Variants in PKHD1L1 observed in about 807,000 individuals in gnomAD.
The protein encoded by PKHD1L1 is PKHD1 like 1.
PKHD1L1 carries 434 observed loss-of-function variants against 462.9 expected under a neutral mutation model. The ratio of observed to expected loss-of-function variants is 0.94; its 90% confidence interval spans 0.87 to 1.02. PKHD1L1 has a LOEUF of 1.02. PKHD1L1 is among the 50% of genes least tolerant of loss of function. The pLI is 0.00. For synonymous variants in PKHD1L1, 1,781 were observed against 1,750.0 expected, an observed-to-expected ratio of 1.02 and a Z score of -0.44; for missense variants, 5,202 against 5,096.1, an observed-to-expected ratio of 1.02 and a Z score of -0.63.
rs1811026990 is a variant in PKHD1L1 at position 109,362,472 on chromosome 8, C to T, written c.-109C>T. On this transcript the variant is annotated 5_prime_UTR_variant, in exon 1 of 78. Coordinates refer to ENST00000378402, the MANE Select transcript of PKHD1L1 (RefSeq NM_177531.6). The stretch of plus-strand genomic sequence containing the variant: ...GGGAGGGCGGCCCAGTTCCCCAGCT[C>T]TCCCGGGACGAAGCGGGCCCGCCAG... 19 of 1,134,762 alleles carry T rather than the reference C, an allele frequency of 1.7e-5. 1 individual carries two copies. In the South Asian group the frequency reaches 2.1e-4, roughly 12 times the overall value. 70.3% of individuals were successfully genotyped at this position (1,134,762 alleles called of 1,614,324 possible).
intron 10 of PKHD1L1, among the ~76,000 whole-genome samples, chr8:109,395,771 A>G (rs1193179640): frequency 6.6e-6 from 1 of 152,128 alleles, no homozygotes; most frequent in Non-Finnish European, 1.5e-5. Flanking sequence ...TAATGCTCGC[A>G]TTACCAATGT....
chr8:109,489,522 A>G (rs912747587), intron 59 of PKHD1L1, among the ~76,000 whole-genome samples: 1 of 152,028 alleles, frequency 6.6e-6, no homozygotes, highest in Admixed American at 6.6e-5. Flanking sequence ...TAATGCCCTT[A>G]AAAGCTCTTT....
rs550122713 is a variant in PKHD1L1 at position 109,392,701 on chromosome 8, AT to A, written c.741-1713del. On this transcript the variant is annotated intron_variant, in intron 9 of 77. Transcript: ENST00000378402. ...AAAGATAAAAAATCTTACATTTTGA[AT>A]CTTACATTCAAAAAATACATTATTT... Among the ~76,000 whole-genome samples the A allele has an allele frequency of 4.6e-5, 7 of 152,302 alleles. No homozygotes were observed. In the East Asian group the frequency reaches 1.3e-3, roughly 29 times the overall value.
Position 109,449,399 on chromosome 8 carries a change from A to T in PKHD1L1, c.6087A>T (p.Ser2029=). 2 of 1,590,206 alleles carry T rather than the reference A, an allele frequency of 1.3e-6. No homozygotes were observed. The highest frequency in any genetic ancestry group is 1.7e-6 in the Non-Finnish European group (2 of 1,166,894). ...GCACCGGATTTAATCCACAAAATTC[A>T]ATTATATTAGTTTGTGGCTCAGAAT... ...VTGTGFNPQN[S]IILVCGSECA... is the part of the protein sequence containing the mutation. The change falls in exon 40 of 78, where the codon TCA becomes TCT. Residue 2029 remains serine, a synonymous_variant. Coordinates refer to ENST00000378402, the MANE Select transcript of PKHD1L1 (RefSeq NM_177531.6).
intron 6 of PKHD1L1, among the ~76,000 whole-genome samples, chr8:109,388,155 T>C (rs765129250): frequency 2.6e-5 from 4 of 152,194 alleles, no homozygotes; most frequent in Non-Finnish European, 4.4e-5. Flanking sequence ...ATGACTTTAT[T>C]ATCTGTTTCT....
At chr8:109,426,231 ACATT>A (rs67002388) in intron 24 of PKHD1L1, among the ~76,000 whole-genome samples, 44,952 of 132,974 alleles carry the variant, frequency 0.34, 7,209 homozygotes, top group Admixed American at 0.45. Context: ...TTACAAATTA[ACATT>A]GTTATTAATT....
intron 19 of PKHD1L1, among the ~76,000 whole-genome samples, chr8:109,411,006 C>T (rs1421423203): frequency 6.6e-6 from 1 of 151,880 alleles, no homozygotes; most frequent in East Asian, 1.9e-4. Flanking sequence ...GGATTACAGA[C>T]TTGAGCCACC....
At chr8:109,411,129 T>C (rs772112770) in intron 19 of PKHD1L1, among the ~76,000 whole-genome samples, 7 of 152,176 alleles carry the variant, frequency 4.6e-5, no homozygotes, top group Non-Finnish European at 7.4e-5. Context: ...TTATGTATTA[T>C]GTAGTTTTAT....
chr8:109,368,925 A>T (rs1385808889), intron 2 of PKHD1L1, among the ~76,000 whole-genome samples: 1 of 152,048 alleles, frequency 6.6e-6, no homozygotes, highest in South Asian at 2.1e-4. Flanking sequence ...AATCTTTGTG[A>T]CTTGGAGTAC....
intron 71 of PKHD1L1, among the ~76,000 whole-genome samples, chr8:109,511,611 T>A (rs1209626958): frequency 6.6e-6 from 1 of 152,050 alleles, no homozygotes; most frequent in Non-Finnish European, 1.5e-5. Context: ...ACATTTGGGT[T>A]GGTTCCAAGT....
rs756483047 is a variant in PKHD1L1 at position 109,385,521 on chromosome 8, T to C, written c.476-16T>C. 1 of 1,525,758 alleles carries C rather than the reference T, an allele frequency of 6.6e-7. No individual in the cohort carries two copies. The highest frequency in any genetic ancestry group is 1.2e-5 in the South Asian group (1 of 84,306). The allele number at this position is 1,525,758 out of a possible 1,614,324, so 94.5% of individuals were successfully genotyped here. A position where few individuals can be genotyped will look rare whatever the true frequency, so the allele number is the denominator to read the frequency against. On this transcript the variant is annotated splice_polypyrimidine_tract_variant and intron_variant, in intron 5 of 77. Transcript: ENST00000378402. ...TTCTTACACAGAATCTTTTTGGGGT[T>C]TTTGTTTGTTTTCAGGTACACTAAT...
At chr8:109,523,434 C>T in intron 76 of PKHD1L1, 48 bp downstream of exon 76, 1 of 1,485,092 alleles carries the variant, frequency 6.7e-7, no homozygotes, top group Non-Finnish European at 9.2e-7. Context: ...TAAATAGAGA[C>T]AATTATAATG....
intron 12 of PKHD1L1, 29 bp downstream of exon 12, chr8:109,398,577 T>C (rs1285263120): frequency 1.8e-6 from 2 of 1,081,522 alleles, no homozygotes; most frequent in Admixed American, 5.1e-5. Context: ...CAATGGCCAT[T>C]TCTATATTCA....
intron 2 of PKHD1L1, among the ~76,000 whole-genome samples, chr8:109,369,802 T>C (rs1336923755): frequency 2.0e-5 from 3 of 152,148 alleles, no homozygotes; most frequent in East Asian, 3.8e-4. Flanking sequence ...CTTTGCAGTG[T>C]TTTCATGTCT....
intron 20 of PKHD1L1, among the ~76,000 whole-genome samples, chr8:109,412,842 G>C (rs1427928468): frequency 1.3e-5 from 2 of 152,008 alleles, no homozygotes; most frequent in East Asian, 3.9e-4. Context: ...GTTTTAGTGA[G>C]GGTATTTAAC....
At chr8:109,396,489 C>A (rs553491555) in intron 11 of PKHD1L1, among the ~76,000 whole-genome samples, 1 of 152,324 alleles carries the variant, frequency 6.6e-6, no homozygotes, top group East Asian at 1.9e-4. Context: ...GTTGTTATTT[C>A]TCAGCGAGTT....
At chr8:109,444,389 A>AC in intron 37 of PKHD1L1, among the ~76,000 whole-genome samples, 1 of 152,230 alleles carries the variant, frequency 6.6e-6, no homozygotes, top group Non-Finnish European at 1.5e-5. Flanking sequence ...ATGTTAAGCA[A>AC]CCTTTTATTT....
At chr8:109,481,379 GA>G in intron 55 of PKHD1L1, 53 bp from the exon 56 acceptor site, 1 of 1,480,456 alleles carries the variant, frequency 6.8e-7, no homozygotes, top group Non-Finnish European at 9.0e-7. Context: ...TTTATGGGTG[GA>G]TTTTTTTTCC....
rs368518312 is a variant in PKHD1L1, at chr8:109,496,904, A to G, written c.10328-15A>G. On this transcript the variant is annotated splice_polypyrimidine_tract_variant and intron_variant, in intron 63 of 77. Transcript: ENST00000378402. The stretch of plus-strand genomic sequence containing the variant: ...AATGTAGTGTTCATTCTCTGGTTCT[A>G]TATTTCCCTCCAAGGCCAGTTTAAT... The G allele has an allele frequency of 3.6e-5, 58 of 1,602,958 alleles. 1 individual carries two copies. Among genetic ancestry groups the G allele is most frequent in the Admixed American group, 2.4e-4 (14 of 58,738 alleles).
Sources: gnomAD v4.1 joint callset for allele counts (sites outside exome capture counted in the v4.1 genomes callset) on GRCh38, gnomAD v4.1.1 for gene constraint, MANE v1.5 for transcripts, NCBI Gene and HGNC (gene_info 2026-07-23, HGNC 2026-07-21) for gene names.